ARHGAP44: variants seen among roughly 807,000 people sequenced by gnomAD.
ARHGAP44 encodes the protein rho GTPase-activating protein 44.
In ARHGAP44, 43 loss-of-function variants were observed where a neutral mutation model predicts 106.8. The observed-to-expected ratio is 0.40, with a 90% CI of 0.32 to 0.52. ARHGAP44 has a LOEUF of 0.52. ARHGAP44 is among the 20% of genes least tolerant of loss of function. The probability of loss-of-function intolerance (pLI) is 0.48; values close to 1 mark genes in which losing one functional copy is unlikely to be tolerated. For synonymous variants in ARHGAP44, 439 were observed against 410.3 expected, an observed-to-expected ratio of 1.07 and a Z score of -0.85; for missense variants, 866 against 1,050.5, an observed-to-expected ratio of 0.82 and a Z score of 2.43.
At chr17:12,912,147 G>A (rs932601243) in intron 4 of ARHGAP44, among the ~76,000 whole-genome samples, 21 of 151,964 alleles carry the variant, frequency 1.4e-4, no homozygotes, top group African/African-American at 4.8e-4. Flanking sequence ...TGTAGGGGAG[G>A]AAAAAAGGTT....
At chr17:12,929,436 G>T (rs1216059397) in intron 7 of ARHGAP44, 1 of 157,314 alleles carries the variant, frequency 6.4e-6, no homozygotes, top group Non-Finnish European at 1.4e-5. Context: ...CTTTTTGGCT[G>T]CGTTTTGATA....
chr17:12,931,389 T>A (rs531307334), intron 7 of ARHGAP44, among the ~76,000 whole-genome samples: 56 of 152,298 alleles, frequency 3.7e-4, no homozygotes, highest in Non-Finnish European at 6.8e-4. Flanking sequence ...TTGTTTTTAA[T>A]AAAACAGTCA....
chr17:12,920,747 G>A (rs574281559), intron 6 of ARHGAP44, among the ~76,000 whole-genome samples: 2 of 152,288 alleles, frequency 1.3e-5, no homozygotes, highest in East Asian at 3.9e-4. Flanking sequence ...TGGTGTAGGT[G>A]TCTGCTTTCT....
At chr17:12,861,845 G>T (rs893220620) in intron 1 of ARHGAP44, among the ~76,000 whole-genome samples, 1 of 151,866 alleles carries the variant, frequency 6.6e-6, no homozygotes, top group African/African-American at 2.4e-5. Context: ...ATGTTGGCCA[G>T]GCTGGTCTTG....
At chr17:12,979,947 G>A in intron 18 of ARHGAP44, 111 bp from the exon 19 acceptor site, 2 of 1,199,156 alleles carry the variant, frequency 1.7e-6, no homozygotes, top group Non-Finnish European at 2.3e-6. Context: ...CCAGAGCTGG[G>A]ACAGACTTGC....
At chr17:12,905,155 G>C (rs866638548) in intron 3 of ARHGAP44, among the ~76,000 whole-genome samples, 4 of 149,678 alleles carry the variant, frequency 2.7e-5, no homozygotes, top group Non-Finnish European at 5.9e-5. Context: ...CTCATGATCT[G>C]CCCGCCTCAG....
rs2039175068 is a variant in ARHGAP44, at chr17:12,958,212, T to C, written c.1343-505T>C. Among the ~76,000 whole-genome samples, 1 of 152,246 alleles carries C rather than the reference T, an allele frequency of 6.6e-6. No homozygotes were observed. Among genetic ancestry groups the C allele is most frequent in the Non-Finnish European group, 1.5e-5 (1 of 68,048 alleles). ...GCCAAAAAACAACTTTAATGAAATC[T>C]ATATTTCTAATATCTTGAATTTATT... On this transcript the variant is annotated intron_variant, in intron 15 of 20. Coordinates refer to ENST00000379672, the MANE Select transcript of ARHGAP44 (RefSeq NM_014859.6). This position sits in a 1 kb window ranked among gnomAD's most constrained non-coding sequence, Gnocchi z 4.1.
rs2039923204 is a variant in ARHGAP44, at chr17:12,984,917, G to A, written c.2317+9G>A. ...GGAAAGCATGTCTACAGGTAACCAA[G>A]CCACAGGCTCCCTCACTTTTTTTTA... On this transcript the variant is annotated intron_variant, in intron 20 of 20. Transcript: ENST00000379672. 1 of 1,587,782 alleles carries A rather than the reference G, an allele frequency of 6.3e-7. No homozygotes were observed. Among genetic ancestry groups the A allele is most frequent in the Non-Finnish European group, 8.6e-7 (1 of 1,164,456 alleles).
rs1375711788 is a variant in ARHGAP44 at position 12,854,200 on chromosome 17, A to G, written c.54-40740A>G. The stretch of plus-strand genomic sequence containing the variant: ...CAGGAGGGTGCAGGAAGAAAACTGC[A>G]GTTTCAAACAGCTTCTGTAGGCACA... On this transcript the variant is annotated intron_variant, in intron 1 of 20. Coordinates refer to ENST00000379672, the MANE Select transcript of ARHGAP44 (RefSeq NM_014859.6). Among the ~76,000 whole-genome samples the G allele has an allele frequency of 5.3e-5, 8 of 152,196 alleles. No individual in the cohort carries two copies. The East Asian group carries it at 1.4e-3, about 26-fold the overall frequency.
intron 1 of ARHGAP44, among the ~76,000 whole-genome samples, chr17:12,855,691 G>A (rs1002497137): frequency 6.6e-6 from 1 of 151,986 alleles, no homozygotes; most frequent in Non-Finnish European, 1.5e-5. Context: ...TCTTTGGACT[G>A]TTTATTAAAA....
chr17:12,947,059 T>C (rs1367023884), intron 10 of ARHGAP44, among the ~76,000 whole-genome samples: 1 of 152,190 alleles, frequency 6.6e-6, no homozygotes, highest in Non-Finnish European at 1.5e-5. Context: ...ATATCTCTTT[T>C]CAACACAACC....
At chr17:12,881,240 A>G (rs1243739572) in intron 1 of ARHGAP44, among the ~76,000 whole-genome samples, 2 of 152,044 alleles carry the variant, frequency 1.3e-5, no homozygotes, top group East Asian at 1.9e-4. Context: ...ATGTCATTCA[A>G]TGGTCTAAAA....
chr17:12,990,677 C>T lies in ARHGAP44; in HGVS notation c.*506C>T, dbSNP rs183094647. 8.9e-4 allele frequency: 136 copies of T among 153,244 alleles called. No individual in the cohort carries two copies. The highest frequency in any genetic ancestry group is 3.1e-3 in the African/African-American group (131 of 41,604). The allele number at this position is 153,244 out of a possible 1,614,324, so 9.5% of individuals were successfully genotyped here. A position where few individuals can be genotyped will look rare whatever the true frequency, so the allele number is the denominator to read the frequency against. On this transcript the variant is annotated 3_prime_UTR_variant, in exon 21 of 21. Transcript: ENST00000379672. ...GACCAGGTCCAGGATTCTAGCAGTC[C>T]TGGGGCACTGACCTTTGCCAGCTAC...
intron 13 of ARHGAP44, among the ~76,000 whole-genome samples, chr17:12,953,092 C>T (rs890465192): frequency 2.6e-5 from 4 of 152,080 alleles, no homozygotes; most frequent in African/African-American, 9.7e-5. Context: ...TGGTGGACAC[C>T]TGGGAGAAGC....
At chr17:12,847,599 C>T (rs907127691) in intron 1 of ARHGAP44, among the ~76,000 whole-genome samples, 12 of 150,080 alleles carry the variant, frequency 8.0e-5, no homozygotes, top group African/African-American at 2.5e-4. Flanking sequence ...CTGCAAGCTC[C>T]GCCTCCTGGG....
At chr17:12,858,924 ACC>A (rs1205203559) in intron 1 of ARHGAP44, among the ~76,000 whole-genome samples, 1 of 151,980 alleles carries the variant, frequency 6.6e-6, no homozygotes, top group Non-Finnish European at 1.5e-5. Context: ...GAAAGGGGAA[ACC>A]CCTTATAAAC....
intron 1 of ARHGAP44, among the ~76,000 whole-genome samples, chr17:12,828,991 A>G (rs113813733): frequency 0.027 from 4,155 of 152,152 alleles, 176 homozygotes; most frequent in African/African-American, 0.092. Context: ...AAATTGACCT[A>G]TAACTTTATT....
At chr17:12,814,846 A>G (rs1567627915) in intron 1 of ARHGAP44, among the ~76,000 whole-genome samples, 1 of 151,928 alleles carries the variant, frequency 6.6e-6, no homozygotes, top group Non-Finnish European at 1.5e-5. Flanking sequence ...TCTGAAAAAA[A>G]CCCCAAAAAA....
chr17:12,919,188 A>C (rs1407296637), intron 5 of ARHGAP44, among the ~76,000 whole-genome samples: 1 of 152,192 alleles, frequency 6.6e-6, no homozygotes, highest in East Asian at 1.9e-4. Flanking sequence ...TGGATATGTT[A>C]ATTAGCCTGA....
Sources: gnomAD v4.1 joint callset for allele counts (sites outside exome capture counted in the v4.1 genomes callset) on GRCh38, gnomAD v4.1.1 for gene constraint, Gnocchi (gnomAD v3.1) non-coding constraint, MANE v1.5 for transcripts, NCBI Gene and HGNC (gene_info 2026-07-23, HGNC 2026-07-21) for gene names.